Variants in SLC27A2 observed in about 807,000 individuals in gnomAD.
SLC27A2 encodes the protein long-chain fatty acid transport protein 2.
A neutral mutation model predicts 60.0 loss-of-function variants in SLC27A2; 54 were observed. The ratio of observed to expected loss-of-function variants is 0.90; its 90% CI spans 0.72 to 1.13. SLC27A2 has a LOEUF of 1.13. SLC27A2 is among the 50% of genes most tolerant of loss of function. The pLI, the probability that SLC27A2 is intolerant of heterozygous loss-of-function variation, is 0.00. For synonymous variants in SLC27A2, 297 were observed against 297.6 expected (o/e 1.00, Z 0.02); for missense variants, 739 against 777.6 (o/e 0.95, Z 0.59).
chr15:50,183,034 G>GC, intron 1 of SLC27A2, 129 bp downstream of exon 1: 1 of 953,488 alleles, frequency 1.0e-6, no homozygotes, highest in Non-Finnish European at 1.6e-6. Flanking sequence ...AAAAAGGTTG[G>GC]CAGTGTTTCC....
chr15:50,235,171 A>T (rs13329426), intron 9 of SLC27A2, among the ~76,000 whole-genome samples: 1 of 152,102 alleles, frequency 6.6e-6, no homozygotes, highest in Admixed American at 6.5e-5. Context: ...TATTGTGTGT[A>T]TAGGATTATT....
At position 50,182,842 on chromosome 15, in the gene SLC27A2, C is replaced by T. The variant is rs1458033583; in HGVS notation, c.415C>T (p.Arg139Cys). The change falls in exon 1 of 10, where the codon CGC becomes TGC. Residue 139 changes from arginine to cysteine, a missense_variant. Transcript: ENST00000267842. ...CATGGCGTGCCTCAATTACAACATC[C>T]GCGCGAAGTCCCTGCTGCACTGCTT... The part of the protein sequence containing the change: ...CAMACLNYNI[R>C]AKSLLHCFQC... The T allele has an allele frequency of 6.2e-7, 1 of 1,613,272 alleles. No individual in the cohort carries two copies.
chr15:50,216,137 A>G (rs758389423), intron 4 of SLC27A2, among the ~76,000 whole-genome samples: 11 of 152,224 alleles, frequency 7.2e-5, no homozygotes, highest in Non-Finnish European at 1.5e-4. Context: ...TCCCATCAAA[A>G]AGTGGGCTAA....
chr15:50,186,274 C>A (rs1217894694), intron 1 of SLC27A2, among the ~76,000 whole-genome samples: 1 of 151,814 alleles, frequency 6.6e-6, no homozygotes, highest in Non-Finnish European at 1.5e-5. Context: ...CTGAGATCAT[C>A]CCCAAAAATG....
chr15:50,227,263 A>G (rs2045285597), intron 7 of SLC27A2, 85 bp downstream of exon 7: 1 of 1,035,100 alleles, frequency 9.7e-7, no homozygotes, highest in Non-Finnish European at 1.5e-6. Flanking sequence ...CACTTTGGTT[A>G]TGGTGCATTT....
chr15:50,196,053 C>CAAAAAAAAAAAAATAAAAA (rs1567428265), intron 1 of SLC27A2, among the ~76,000 whole-genome samples: 1 of 1,820 alleles, frequency 5.5e-4, no homozygotes, highest in Non-Finnish European at 1.5e-3. Context: ...GACTCTGTCT[C>CAAAAAAAAAAAAATAAAAA]AAAAAAAAAA....
At chr15:50,184,675 A>G (rs916058101) in intron 1 of SLC27A2, among the ~76,000 whole-genome samples, 94 of 142,980 alleles carry the variant, frequency 6.6e-4, no homozygotes, top group Non-Finnish European at 1.0e-3. Flanking sequence ...CGTCTCGACT[A>G]AAAAAAAAAA....
chr15:50,222,839 C>T, intron 4 of SLC27A2, 126 bp from the exon 5 acceptor site: 1 of 772,578 alleles, frequency 1.3e-6, no homozygotes, highest in Non-Finnish European at 2.0e-6. Flanking sequence ...TTATAACCAA[C>T]ATAAATATGT....
chr15:50,196,080 ATATATATATATATATATATATATATAT>A lies in SLC27A2; in HGVS notation c.479-1419_479-1393del, dbSNP rs2045019365. 2.6e-4 allele frequency among the ~76,000 whole-genome samples: 2 copies of A among 7,814 alleles called. 1 individual carries two copies. The highest frequency in any genetic ancestry group is 3.9e-4 in the Non-Finnish European group (2 of 5,084). The allele number at this position is 7,814 out of a possible 152,430, so 5.1% of individuals were successfully genotyped here. On this transcript the variant is annotated intron_variant, in intron 1 of 9. Coordinates refer to ENST00000267842, the MANE Select transcript of SLC27A2 (RefSeq NM_003645.4). ...AAAAAAAAAAAAAAAAAAAAAAAAT[ATATATATATATATATATATATATATAT>A]ATATATATATATATATATGTATGTA...
At chr15:50,234,057 G>A (rs2045333209) in intron 9 of SLC27A2, 59 bp downstream of exon 9, 5 of 1,466,774 alleles carry the variant, frequency 3.4e-6, no homozygotes, top group Admixed American at 4.3e-5. Context: ...CTACCACTTA[G>A]GGAACAACTC....
In SLC27A2 at chr15:50,200,680, G is replaced by A. The variant is rs149230575; in HGVS notation, c.689-1807G>A. Among the ~76,000 whole-genome samples, 908 of 152,258 alleles carry A rather than the reference G, an allele frequency of 6.0e-3. 11 individuals carry two copies. The highest frequency in any genetic ancestry group is 0.021 in the African/African-American group (885 of 41,530). ...TCTTAAACTCTTAGTCCCCTTCCCA[G>A]TGACTTCATGCCCTCCCCAATTGAA... On this transcript the variant is annotated intron_variant, in intron 2 of 9. Coordinates refer to ENST00000267842, the MANE Select transcript of SLC27A2 (RefSeq NM_003645.4).
At chr15:50,216,952 T>C (rs1181495030) in intron 4 of SLC27A2, among the ~76,000 whole-genome samples, 3 of 150,856 alleles carry the variant, frequency 2.0e-5, no homozygotes, top group Non-Finnish European at 4.4e-5. Flanking sequence ...TGCAGTGACC[T>C]GGATGAGACT....
chr15:50,218,889 T>C (rs2045221959), intron 4 of SLC27A2, among the ~76,000 whole-genome samples: 1 of 152,028 alleles, frequency 6.6e-6, no homozygotes, highest in Admixed American at 6.5e-5. Context: ...AGAAGCATAA[T>C]GGAAAACAGG....
At chr15:50,225,801 G>T (rs1384760611) in intron 5 of SLC27A2, among the ~76,000 whole-genome samples, 187 bp from the exon 6 acceptor site, 7 of 152,120 alleles carry the variant, frequency 4.6e-5, no homozygotes. Context: ...CACAGAAAAG[G>T]GCAGGAGGAA....
chr15:50,192,787 T>TAAAA (rs35220625), intron 1 of SLC27A2, among the ~76,000 whole-genome samples: 1,859 of 136,452 alleles, frequency 0.014, 30 homozygotes, highest in East Asian at 0.022. Flanking sequence ...ACATTTTTCT[T>TAAAA]AAAAAAAAAA....
At chr15:50,232,618 G>GC (rs1462379655) in intron 8 of SLC27A2, among the ~76,000 whole-genome samples, 1 of 151,972 alleles carries the variant, frequency 6.6e-6, no homozygotes. Context: ...AGGCCCATTT[G>GC]CCCGTAGGTC....
intron 4 of SLC27A2, among the ~76,000 whole-genome samples, chr15:50,214,456 C>A (rs1056951462): frequency 6.6e-6 from 1 of 152,108 alleles, no homozygotes; most frequent in Non-Finnish European, 1.5e-5. Context: ...GGAACCCTCC[C>A]TAATTCATTC....
chr15:50,225,074 A>AT (rs1567437052), intron 5 of SLC27A2, among the ~76,000 whole-genome samples: 1 of 151,958 alleles, frequency 6.6e-6, no homozygotes, highest in Non-Finnish European at 1.5e-5. Context: ...CTACCTATAA[A>AT]TTTTTTACAT....
chr15:50,226,223 G>A (rs1435870840), intron 6 of SLC27A2, 145 bp downstream of exon 6: 1 of 542,134 alleles, frequency 1.8e-6, no homozygotes, highest in African/African-American at 1.9e-5. Flanking sequence ...CAATATACAG[G>A]AATTCCAAAG....
Sources: gnomAD v4.1 joint callset for allele counts (sites outside exome capture counted in the v4.1 genomes callset) on GRCh38, gnomAD v4.1.1 for gene constraint, MANE v1.5 for transcripts, NCBI Gene and HGNC (gene_info 2026-07-23, HGNC 2026-07-21) for gene names.